The following GALNT13 variants were observed in gnomAD, a reference collection of about 807,000 sequenced individuals.
GALNT13 encodes UDP-GalNAc:polypeptide N-acetylgalactosaminyltransferase 13.
Under a neutral mutation model 64.2 loss-of-function variants are expected in GALNT13, and 28 were observed. That is an observed-to-expected ratio of 0.44 (90% confidence interval 0.32 to 0.60). The LOEUF (loss-of-function observed/expected upper bound fraction) is 0.60. GALNT13 is among the 20% of genes least tolerant of loss of function. GALNT13 has a pLI of 0.05. For missense variants in GALNT13, 577 were observed against 669.8 expected (o/e 0.86, Z 1.53); for synonymous variants, 214 against 224.6 (o/e 0.95, Z 0.42).
At chr2:153,792,664 A>T in the GALNT13 span, among the ~76,000 whole-genome samples, 3 of 152,180 alleles carry the variant, frequency 2.0e-5, no homozygotes, top group Non-Finnish European at 2.9e-5. Context: ...AAATACTTGT[A>T]TGGGTATACT....
At chr2:153,826,625 G>A in the GALNT13 span, among the ~76,000 whole-genome samples, 409 of 152,214 alleles carry the variant, frequency 2.7e-3, no homozygotes, top group Non-Finnish European at 4.7e-3. Context: ...AAACTGTAAA[G>A]AGTTTTAAAC....
At chr2:154,223,253 A>G (rs1688408459) in intron 4 of GALNT13, among the ~76,000 whole-genome samples, 1 of 152,032 alleles carries the variant, frequency 6.6e-6, no homozygotes, top group Non-Finnish European at 1.5e-5. Flanking sequence ...ATTATTTAAT[A>G]ATACAATTAA....
the GALNT13 span, among the ~76,000 whole-genome samples, chr2:153,504,360 T>A: frequency 5.3e-5 from 8 of 152,326 alleles, no homozygotes; most frequent in East Asian, 1.9e-4. Context: ...CTTTACCAAT[T>A]TGGATGCTCT....
At chr2:153,877,080 G>C (rs1558829579) in intron 1 of GALNT13, among the ~76,000 whole-genome samples, 1 of 152,098 alleles carries the variant, frequency 6.6e-6, no homozygotes, top group Non-Finnish European at 1.5e-5. Flanking sequence ...TGAGAGGGAT[G>C]TAGGGAGAAG....
intron 4 of GALNT13, among the ~76,000 whole-genome samples, chr2:154,237,633 T>G (rs1689265704): frequency 6.6e-6 from 1 of 150,446 alleles, no homozygotes. Flanking sequence ...ATGCATTTTG[T>G]TGTCTAAACA....
chr2:153,504,822 G>T, the GALNT13 span, among the ~76,000 whole-genome samples: 1 of 152,104 alleles, frequency 6.6e-6, no homozygotes, highest in East Asian at 1.9e-4. Context: ...ATGTTCATTA[G>T]GGATATTGGT....
intron 4 of GALNT13, among the ~76,000 whole-genome samples, chr2:154,231,817 C>G (rs747898525): frequency 6.7e-6 from 1 of 149,682 alleles, no homozygotes; most frequent in Non-Finnish European, 1.5e-5. Flanking sequence ...AATATCTAAC[C>G]TATTTTGTTT....
At chr2:153,821,335 G>T in the GALNT13 span, among the ~76,000 whole-genome samples, 1 of 152,170 alleles carries the variant, frequency 6.6e-6, no homozygotes, top group East Asian at 1.9e-4. Context: ...CAACCACATG[G>T]TTGGCCATAA....
At chr2:154,338,968 T>C (rs967494195) in intron 9 of GALNT13, among the ~76,000 whole-genome samples, 1 of 152,124 alleles carries the variant, frequency 6.6e-6, no homozygotes, top group African/African-American at 2.4e-5. Flanking sequence ...GTTTTAAATA[T>C]GATATTTCTA....
the GALNT13 span, among the ~76,000 whole-genome samples, chr2:153,146,126 C>T: frequency 1.3e-5 from 2 of 151,538 alleles, no homozygotes; most frequent in African/African-American, 4.8e-5. Flanking sequence ...GCTTCCTCTC[C>T]CTGAATTTAC....
chr2:153,142,091 A>T, the GALNT13 span, among the ~76,000 whole-genome samples: 12 of 152,088 alleles, frequency 7.9e-5, no homozygotes, highest in Admixed American at 7.9e-4. Context: ...GAACTGCTGA[A>T]TTCTTTGTAC....
At chr2:153,245,177 G>A in the GALNT13 span, among the ~76,000 whole-genome samples, 1 of 152,252 alleles carries the variant, frequency 6.6e-6, no homozygotes, top group Admixed American at 6.5e-5. Flanking sequence ...GGACAGAAAG[G>A]GACAGCTGTG....
At chr2:154,055,267 C>T (rs1699838549) in intron 3 of GALNT13, among the ~76,000 whole-genome samples, 1 of 151,902 alleles carries the variant, frequency 6.6e-6, no homozygotes, top group South Asian at 2.1e-4. Flanking sequence ...GTTCCTTCAC[C>T]TTCAGGCATG....
At chr2:154,077,588 G>A (rs1574460651) in intron 3 of GALNT13, among the ~76,000 whole-genome samples, 1 of 151,514 alleles carries the variant, frequency 6.6e-6, no homozygotes, top group Admixed American at 6.6e-5. Flanking sequence ...GTAAGGGATT[G>A]GTCAAATGAG....
At chr2:153,351,044 T>A in the GALNT13 span, among the ~76,000 whole-genome samples, 5 of 152,180 alleles carry the variant, frequency 3.3e-5, no homozygotes, top group African/African-American at 2.4e-5. Context: ...TAGACTTTAT[T>A]CTCTTAAGAA....
rs960702141 is a variant in GALNT13 at position 154,040,258 on chromosome 2, G to A, written c.142+95619G>A. Among the ~76,000 whole-genome samples, 4 of 140,428 alleles carry A rather than the reference G, an allele frequency of 2.8e-5. 1 individual carries two copies. The highest frequency in any genetic ancestry group is 6.5e-5 in the Non-Finnish European group (4 of 61,126). The allele number at this position is 140,428 out of a possible 152,430, so 92.1% of individuals were successfully genotyped here. On this transcript the variant is annotated intron_variant, in intron 3 of 12. Coordinates refer to ENST00000392825, the MANE Select transcript of GALNT13 (RefSeq NM_052917.4). ...GTCCAGGATTGCATAAGTAAAATGTGAAAATGCTCAAATCAAGAAGGTCAT... is the reference window on the plus strand; with the variant it reads ...GTCCAGGATTGCATAAGTAAAATGTAAAAATGCTCAAATCAAGAAGGTCAT...
At chr2:154,314,324 A>G (rs965847553) in intron 9 of GALNT13, among the ~76,000 whole-genome samples, 15 of 152,132 alleles carry the variant, frequency 9.9e-5, no homozygotes, top group Non-Finnish European at 1.5e-4. Context: ...AGTCATTTAT[A>G]TAATGTTATT....
the GALNT13 span, among the ~76,000 whole-genome samples, chr2:153,618,751 C>T: frequency 6.6e-6 from 1 of 151,812 alleles, no homozygotes; most frequent in African/African-American, 2.4e-5. Context: ...GCTCAATTGA[C>T]CCTTTTATTA....
chr2:154,049,613 G>A (rs1699477513), intron 3 of GALNT13, among the ~76,000 whole-genome samples: 1 of 150,798 alleles, frequency 6.6e-6, no homozygotes, highest in Admixed American at 6.6e-5. Context: ...TATAATAAAT[G>A]ATATCTAGCT....
Sources: gnomAD v4.1 joint callset for allele counts (sites outside exome capture counted in the v4.1 genomes callset) on GRCh38, gnomAD v4.1.1 for gene constraint, MANE v1.5 for transcripts, NCBI Gene and HGNC (gene_info 2026-07-23, HGNC 2026-07-21) for gene names.